RPS6KC1: variants seen among roughly 807,000 people sequenced by gnomAD.
RPS6KC1 encodes the protein ribosomal protein S6 kinase C1, also known as inactive ribosomal protein S6 kinase delta-1.
In RPS6KC1, 54 loss-of-function variants were observed where a neutral mutation model predicts 103.8. That is an observed-to-expected ratio of 0.52 (90% CI 0.42 to 0.65). The LOEUF is 0.65. Ranked by LOEUF, RPS6KC1 falls within the 30% of genes least tolerant of loss-of-function variation. The pLI is 0.00. For missense variants in RPS6KC1, 1,151 were observed against 1,253.8 expected (o/e 0.92, Z 1.24); for synonymous variants, 439 against 438.7 (o/e 1.00, Z -0.01).
the RPS6KC1 span, among the ~76,000 whole-genome samples, chr1:213,619,108 T>C: frequency 1.3e-4 from 20 of 152,326 alleles, no homozygotes; most frequent in East Asian, 5.8e-4. Flanking sequence ...GAAGCTCTAA[T>C]TTAGGAAAGC....
chr1:213,740,642 A>ATATAT, the RPS6KC1 span, among the ~76,000 whole-genome samples: 2 of 148,388 alleles, frequency 1.3e-5, no homozygotes, highest in South Asian at 2.1e-4. Context: ...ATATACACAT[A>ATATAT]CATATATCTC....
the RPS6KC1 span, among the ~76,000 whole-genome samples, chr1:213,707,342 G>A: frequency 7.2e-5 from 11 of 152,036 alleles, no homozygotes; most frequent in African/African-American, 2.4e-4. Context: ...CCGCATAAAT[G>A]TCTTCTTTTG....
chr1:213,509,940 T>C, the RPS6KC1 span, among the ~76,000 whole-genome samples: 2 of 152,176 alleles, frequency 1.3e-5, no homozygotes, highest in African/African-American at 4.8e-5. Context: ...TGTCAGTAAG[T>C]TTATACATTT....
intron 4 of RPS6KC1, among the ~76,000 whole-genome samples, 161 bp downstream of exon 4, chr1:213,104,730 A>G (rs568999030): frequency 2.0e-5 from 3 of 151,874 alleles, no homozygotes; most frequent in South Asian, 2.1e-4. Flanking sequence ...TATTTTTAGT[A>G]TAGAAATTTA....
At chr1:213,371,625 T>C in the RPS6KC1 span, among the ~76,000 whole-genome samples, 2 of 152,234 alleles carry the variant, frequency 1.3e-5, no homozygotes, top group Non-Finnish European at 2.9e-5. Context: ...TGTTTGGTTT[T>C]TGTTTTTAAT....
intron 3 of RPS6KC1, among the ~76,000 whole-genome samples, chr1:213,089,851 G>A (rs1349791124): frequency 1.3e-5 from 2 of 152,188 alleles, no homozygotes; most frequent in Non-Finnish European, 2.9e-5. Context: ...TATTTTTCAA[G>A]TATTTATATG....
At chr1:213,423,871 C>T in the RPS6KC1 span, among the ~76,000 whole-genome samples, 2 of 152,192 alleles carry the variant, frequency 1.3e-5, no homozygotes, top group African/African-American at 2.4e-5. Context: ...ACGAGATTAG[C>T]GCGATGTGAG....
the RPS6KC1 span, among the ~76,000 whole-genome samples, chr1:213,439,297 C>T: frequency 6.6e-6 from 1 of 152,108 alleles, no homozygotes; most frequent in Non-Finnish European, 1.5e-5. Flanking sequence ...TTAATTTTCA[C>T]TCTCTGATGC....
the RPS6KC1 span, among the ~76,000 whole-genome samples, chr1:213,777,472 G>A: frequency 6.6e-6 from 1 of 152,144 alleles, no homozygotes; most frequent in African/African-American, 2.4e-5. Context: ...GATTAAATTT[G>A]CTGTCTTATG....
the RPS6KC1 span, among the ~76,000 whole-genome samples, chr1:213,442,590 T>C: frequency 2.6e-5 from 4 of 152,228 alleles, no homozygotes; most frequent in Non-Finnish European, 5.9e-5. Flanking sequence ...TCCTGAATTG[T>C]ATTGTGGAGA....
At chr1:213,797,196 A>G in the RPS6KC1 span, among the ~76,000 whole-genome samples, 8 of 152,214 alleles carry the variant, frequency 5.3e-5, no homozygotes, top group Non-Finnish European at 1.0e-4. Context: ...AATAAGAACT[A>G]AACACTCAGG....
the RPS6KC1 span, among the ~76,000 whole-genome samples, chr1:213,370,556 A>G: frequency 6.6e-6 from 1 of 152,136 alleles, no homozygotes; most frequent in South Asian, 2.1e-4. Context: ...AATAGCTTTC[A>G]ATGGAAGAGG....
the RPS6KC1 span, among the ~76,000 whole-genome samples, chr1:213,626,596 T>C: frequency 8.1e-4 from 124 of 152,334 alleles, no homozygotes; most frequent in African/African-American, 2.9e-3. Context: ...CTTGAATTAA[T>C]TTTTGTATAA....
the RPS6KC1 span, among the ~76,000 whole-genome samples, chr1:213,624,385 G>A: frequency 2.4e-3 from 361 of 152,344 alleles, 2 homozygotes; most frequent in African/African-American, 8.3e-3. Context: ...AGGATGGGTA[G>A]AAAGGAAACA....
the RPS6KC1 span, among the ~76,000 whole-genome samples, chr1:213,695,964 C>A: frequency 2.0e-5 from 3 of 152,136 alleles, no homozygotes; most frequent in Non-Finnish European, 4.4e-5. Flanking sequence ...TTATTGTAAT[C>A]CTTACTTTAG....
chr1:213,816,043 C>T, the RPS6KC1 span, among the ~76,000 whole-genome samples: 19 of 152,286 alleles, frequency 1.2e-4, no homozygotes, highest in African/African-American at 4.3e-4. Flanking sequence ...GGGAAACAGT[C>T]GGTTGGTGGA....
downstream of RPS6KC1, among the ~76,000 whole-genome samples, chr1:213,278,234 G>C: frequency 6.6e-6 from 1 of 151,938 alleles, no homozygotes; most frequent in East Asian, 1.9e-4. Context: ...CTAAAGTTTG[G>C]GTATTTGGTT....
At chr1:213,112,649 G>C (rs1257180633) in intron 4 of RPS6KC1, among the ~76,000 whole-genome samples, 1 of 151,678 alleles carries the variant, frequency 6.6e-6, no homozygotes, top group Non-Finnish European at 1.5e-5. Context: ...GTGCCATGCT[G>C]GTGTGCTGCA....
At chr1:213,114,616 G>A (rs1213948087) in intron 4 of RPS6KC1, among the ~76,000 whole-genome samples, 1 of 150,962 alleles carries the variant, frequency 6.6e-6, no homozygotes, top group Non-Finnish European at 1.5e-5. Context: ...GGTGAGAGAG[G>A]GCATCCCTGT....
Sources: gnomAD v4.1 joint callset for allele counts (sites outside exome capture counted in the v4.1 genomes callset) on GRCh38, gnomAD v4.1.1 for gene constraint, MANE v1.5 for transcripts, NCBI Gene and HGNC (gene_info 2026-07-23, HGNC 2026-07-21) for gene names.